Variants in EFCAB6 observed in about 807,000 individuals in gnomAD.
EFCAB6 encodes EF-hand calcium-binding domain-containing protein 6.
Under a neutral mutation model 169.8 loss-of-function variants are expected in EFCAB6, and 156 were observed. The ratio of observed to expected loss-of-function variants is 0.92; its 90% CI spans 0.81 to 1.05. EFCAB6 has a LOEUF of 1.05. Among genes scored for constraint, EFCAB6 ranks in the 50% least tolerant of loss-of-function variants. The pLI is 0.00. For missense variants in EFCAB6, 1,800 were observed against 1,829.1 expected (o/e 0.98, Z 0.29); for synonymous variants, 698 against 676.4 (o/e 1.03, Z -0.50).
At chr22:43,773,559 T>A (rs1462264447) in intron 3 of EFCAB6, among the ~76,000 whole-genome samples, 1 of 152,196 alleles carries the variant, frequency 6.6e-6, no homozygotes, top group African/African-American at 2.4e-5. Flanking sequence ...TATAAAAATG[T>A]TCCGAGGGCT....
At chr22:43,622,220 T>C (rs766466561) in intron 20 of EFCAB6, among the ~76,000 whole-genome samples, 26 of 152,228 alleles carry the variant, frequency 1.7e-4, no homozygotes, top group Non-Finnish European at 2.8e-4. Context: ...TATTCATGAC[T>C]TTTATTATTC....
chr22:43,606,239 G>T (rs186960006), intron 22 of EFCAB6, among the ~76,000 whole-genome samples: 63 of 152,342 alleles, frequency 4.1e-4, no homozygotes, highest in African/African-American at 1.4e-3. Flanking sequence ...ATTAGCGCTT[G>T]ATTTCTGAGC....
At chr22:43,599,136 C>G (rs1014903224) in intron 23 of EFCAB6, among the ~76,000 whole-genome samples, 3 of 152,166 alleles carry the variant, frequency 2.0e-5, no homozygotes, top group African/African-American at 7.2e-5. Flanking sequence ...CCGTGTCCTT[C>G]CACAGTGGCC....
At chr22:43,771,054 T>C (rs2061453150) in intron 4 of EFCAB6, among the ~76,000 whole-genome samples, 1 of 152,154 alleles carries the variant, frequency 6.6e-6, no homozygotes, top group Non-Finnish European at 1.5e-5. Context: ...GTATACACAG[T>C]GGGTTGTAGT....
rs746756725 is a variant in EFCAB6 at position 43,590,213 on chromosome 22, G to A, written c.2893C>T (p.Arg965Cys). The stretch of plus-strand genomic sequence containing the variant: ...AATGCTTTGCTGATATCTTGATGGC[G>A]GTCCATAAGCTTATCCCTGAAAGAG... Reference protein sequence around the residue: ...AVAARDKLMDRHQDISKAFTK... With the variant: ...AVAARDKLMDCHQDISKAFTK... Residue 965 changes from arginine to cysteine, a missense_variant, in exon 24 of 32, where the codon CGC becomes TGC. Physicochemically the swap from Arg to Cys is radical, Grantham distance 180 (BLOSUM62 -3). Coordinates refer to ENST00000262726, the MANE Select transcript of EFCAB6 (RefSeq NM_022785.4). 1.8e-5 allele frequency: 29 copies of A among 1,613,260 alleles called. No homozygotes were observed. Among genetic ancestry groups the A allele is most frequent in the Non-Finnish European group, 2.2e-5 (26 of 1,179,748 alleles).
intron 25 of EFCAB6, among the ~76,000 whole-genome samples, chr22:43,577,218 CATCT>C (rs1422990139): frequency 1.3e-5 from 2 of 152,116 alleles, no homozygotes; most frequent in Non-Finnish European, 2.9e-5. Context: ...CATTTTTTTC[CATCT>C]GTCGAAATAA....
chr22:43,729,864 C>G (rs1248930907), intron 8 of EFCAB6, among the ~76,000 whole-genome samples: 1 of 152,122 alleles, frequency 6.6e-6, no homozygotes, highest in Non-Finnish European at 1.5e-5. Flanking sequence ...CTAAGACAAT[C>G]ACTGTGAATA....
At chr22:43,738,009 CAT>C (rs1381295113) in intron 6 of EFCAB6, among the ~76,000 whole-genome samples, 1 of 151,244 alleles carries the variant, frequency 6.6e-6, no homozygotes, top group Non-Finnish European at 1.5e-5. Flanking sequence ...CACACATGCA[CAT>C]ACACTCACAC....
At chr22:43,757,722 A>G (rs2061009832) in intron 5 of EFCAB6, among the ~76,000 whole-genome samples, 1 of 152,076 alleles carries the variant, frequency 6.6e-6, no homozygotes, top group South Asian at 2.1e-4. Flanking sequence ...TCAGGTCTGC[A>G]TTGCAGTTCA....
chr22:43,626,240 T>A (rs543242717), intron 20 of EFCAB6, among the ~76,000 whole-genome samples: 1 of 152,322 alleles, frequency 6.6e-6, no homozygotes, highest in East Asian at 1.9e-4. Flanking sequence ...ATAAAAATGA[T>A]GCTCACAGGT....
chr22:43,782,785 T>C (rs996456556), intron 2 of EFCAB6, among the ~76,000 whole-genome samples: 8 of 152,026 alleles, frequency 5.3e-5, no homozygotes, highest in South Asian at 2.1e-4. Flanking sequence ...CTGGGAAAAA[T>C]TGTTGAAATC....
At chr22:43,723,568 A>G (rs865782734) in intron 8 of EFCAB6, among the ~76,000 whole-genome samples, 7 of 152,216 alleles carry the variant, frequency 4.6e-5, no homozygotes, top group Non-Finnish European at 7.3e-5. Context: ...AAATTTTTTT[A>G]AATTATCAGG....
chr22:43,783,880 C>A (rs1276451095), intron 2 of EFCAB6, among the ~76,000 whole-genome samples: 4 of 151,972 alleles, frequency 2.6e-5, no homozygotes, highest in Non-Finnish European at 5.9e-5. Flanking sequence ...GGGCAACATA[C>A]TGAGACTCTG....
At chr22:43,738,267 T>C (rs982133581) in intron 6 of EFCAB6, among the ~76,000 whole-genome samples, 4 of 149,876 alleles carry the variant, frequency 2.7e-5, no homozygotes, top group Non-Finnish European at 4.4e-5. Flanking sequence ...CTCACACACA[T>C]GCACATATAC....
chr22:43,567,888 T>C (rs1215674457), intron 26 of EFCAB6, among the ~76,000 whole-genome samples: 1 of 152,180 alleles, frequency 6.6e-6, no homozygotes, highest in Non-Finnish European at 1.5e-5. Context: ...GTGCTGGAAA[T>C]GGAGACTGTT....
intron 23 of EFCAB6, among the ~76,000 whole-genome samples, chr22:43,591,050 C>G (rs1390446111): frequency 6.6e-6 from 1 of 151,270 alleles, no homozygotes; most frequent in African/African-American, 2.4e-5. Flanking sequence ...GTGGACAAAT[C>G]AAGGGCCATG....
chr22:43,542,645 A>G (rs1453508943), intron 27 of EFCAB6, among the ~76,000 whole-genome samples: 3 of 152,068 alleles, frequency 2.0e-5, no homozygotes. Flanking sequence ...TTTTCATCCT[A>G]TTTTAACTGA....
chr22:43,698,081 T>G (rs1401327161), intron 10 of EFCAB6, among the ~76,000 whole-genome samples: 1 of 152,148 alleles, frequency 6.6e-6, no homozygotes. Context: ...TGAGTCAGCT[T>G]CCCCAGAAAA....
At chr22:43,678,517 C>T (rs1471312518) in intron 12 of EFCAB6, among the ~76,000 whole-genome samples, 1 of 152,176 alleles carries the variant, frequency 6.6e-6, no homozygotes, top group South Asian at 2.1e-4. Context: ...CACTTCCCTA[C>T]CCCACCTGAG....
Sources: gnomAD v4.1 joint callset for allele counts (sites outside exome capture counted in the v4.1 genomes callset) on GRCh38, gnomAD v4.1.1 for gene constraint, MANE v1.5 for transcripts, NCBI Gene and HGNC (gene_info 2026-07-23, HGNC 2026-07-21) for gene names.